AHNAK: variants seen among roughly 807,000 people sequenced by gnomAD.
AHNAK encodes the protein neuroblast differentiation-associated protein AHNAK.
Under a neutral mutation model 37.8 loss-of-function variants are expected in AHNAK, and 23 were observed. The ratio of observed to expected loss-of-function variants is 0.61; its 90% CI spans 0.44 to 0.86. The LOEUF (loss-of-function observed/expected upper bound fraction) is 0.86. AHNAK is among the 40% of genes least tolerant of loss of function. The probability of loss-of-function intolerance (pLI) is 0.00; values close to 1 mark genes in which losing one functional copy is unlikely to be tolerated. For synonymous variants in AHNAK, 2,481 were observed against 2,636.3 expected, an observed-to-expected ratio of 0.94 and a Z score of 1.80; for missense variants, 7,411 against 7,319.4, an observed-to-expected ratio of 1.01 and a Z score of -0.46.
At chr11:62,508,480 C>T (rs1446925386) in intron 4 of AHNAK, among the ~76,000 whole-genome samples, 1 of 152,242 alleles carries the variant, frequency 6.6e-6, no homozygotes, top group African/African-American at 2.4e-5. Context: ...GACTAGAACG[C>T]CCTGTCCAAA....
chr11:62,476,901 A>G (rs1276337488), intron 5 of AHNAK, among the ~76,000 whole-genome samples: 1 of 152,182 alleles, frequency 6.6e-6, no homozygotes, highest in Admixed American at 6.6e-5. Context: ...TACATTTAAG[A>G]TATATGCTCA....
intron 5 of AHNAK, among the ~76,000 whole-genome samples, chr11:62,438,182 T>TCTC (rs199658779): frequency 9.7e-6 from 1 of 102,870 alleles, no homozygotes; most frequent in African/African-American, 3.6e-5. Flanking sequence ...TCTTTCTCTC[T>TCTC]TTTTTTTTTT....
Position 62,455,367 on chromosome 11 carries a change from G to A in AHNAK, c.443-21476C>T, listed in dbSNP as rs145371805. Reference sequence around the variant, plus strand: ...TGGGCTGACTGGCAGCGCAGTGCTGGCTCCCCCATTTTGCCTTTCATTTTA... The same window carrying A: ...TGGGCTGACTGGCAGCGCAGTGCTGACTCCCCCATTTTGCCTTTCATTTTA... On this transcript the variant is annotated intron_variant, in intron 5 of 5. Coordinates refer to the AHNAK transcript ENST00000257247. Among the ~76,000 whole-genome samples, 1,096 of 152,086 alleles carry A rather than the reference G, an allele frequency of 7.2e-3. 7 individuals carry two copies. Among genetic ancestry groups the A allele is most frequent in the Non-Finnish European group, 0.011 (778 of 67,980 alleles).
rs1565227789 is a variant in AHNAK at position 62,521,545 on chromosome 11, A to G, written c.12872T>C (p.Val4291Ala). ...KVEGDLKGPE[V>A]DIKGPKVDID... ...GTCCACTTTGGGGCCCTTGATGTCA[A>G]CTTCTGGGCCCTTGAGGTCACCTTC... The change falls in exon 5 of 5, where the codon GTT becomes GCT. Residue 4291 changes from valine (V) to alanine (A), a missense_variant. Transcript: ENST00000378024. The G allele has an allele frequency of 1.4e-5, 22 of 1,612,728 alleles. No homozygotes were observed. The highest frequency in any genetic ancestry group is 1.8e-5 in the Non-Finnish European group (21 of 1,179,712).
At chr11:62,499,178 G>C (rs1939668635) in intron 4 of AHNAK, among the ~76,000 whole-genome samples, 1 of 152,168 alleles carries the variant, frequency 6.6e-6, no homozygotes, top group Non-Finnish European at 1.5e-5. Context: ...CTGGGAAAGA[G>C]GAAAAGATAG....
chr11:62,510,559 C>G (rs1408940017), intron 4 of AHNAK, among the ~76,000 whole-genome samples: 3 of 151,688 alleles, frequency 2.0e-5, no homozygotes, highest in African/African-American at 7.3e-5. Context: ...GCCTGGCTAA[C>G]ATGGTGAAAC....
At chr11:62,467,556 G>A (rs758479884) in intron 5 of AHNAK, among the ~76,000 whole-genome samples, 2 of 152,120 alleles carry the variant, frequency 1.3e-5, no homozygotes, top group African/African-American at 4.8e-5. Flanking sequence ...ATGGTAGCGC[G>A]CGCCTGTAAT....
At chr11:62,442,563 A>G (rs1244327338) in intron 5 of AHNAK, among the ~76,000 whole-genome samples, 2 of 151,856 alleles carry the variant, frequency 1.3e-5, no homozygotes, top group Non-Finnish European at 2.9e-5. Flanking sequence ...TAAATAATCA[A>G]TAAATCTATT....
intron 5 of AHNAK, among the ~76,000 whole-genome samples, chr11:62,471,280 G>A (rs1016490427): frequency 6.6e-6 from 1 of 152,116 alleles, no homozygotes; most frequent in Non-Finnish European, 1.5e-5. Context: ...GGGGGGCTTT[G>A]GTTGTCGCAA....
Position 62,526,922 on chromosome 11 carries a change from G to C in AHNAK, c.7495C>G (p.Pro2499Ala). The C allele has an allele frequency of 6.2e-7, 1 of 1,614,126 alleles. No homozygotes were observed. The highest frequency in any genetic ancestry group is 8.5e-7 in the Non-Finnish European group (1 of 1,180,008). ...IRGPKVDVNAPDVQAPDWHLK... is the reference protein window; with the variant it reads ...IRGPKVDVNAADVQAPDWHLK... ...TGCCAGTCTGGAGCTTGGACATCGG[G>C]GGCATTTACATCAACTTTGGGGCCC... Residue 2499 changes from proline to alanine, a missense_variant, in exon 5 of 5, where the codon CCC becomes GCC. Physicochemically the swap from Pro to Ala is conservative, Grantham distance 27. Coordinates refer to ENST00000378024, the MANE Select transcript of AHNAK (RefSeq NM_001620.3).
At chr11:62,477,757 G>A (rs963981672) in intron 5 of AHNAK, among the ~76,000 whole-genome samples, 82 of 151,612 alleles carry the variant, frequency 5.4e-4, no homozygotes, top group African/African-American at 1.9e-3. Context: ...AGCTGAGACC[G>A]CGCCACTGCA....
intron 5 of AHNAK, among the ~76,000 whole-genome samples, chr11:62,490,702 A>G (rs1446958411): frequency 6.6e-6 from 1 of 152,188 alleles, no homozygotes; most frequent in Non-Finnish European, 1.5e-5. Context: ...AGTCCTCTCC[A>G]GCTGACATTG....
At chr11:62,465,067 T>A (rs924457750) in intron 5 of AHNAK, among the ~76,000 whole-genome samples, 1 of 152,104 alleles carries the variant, frequency 6.6e-6, no homozygotes, top group African/African-American at 2.4e-5. Flanking sequence ...CTGCATCCTC[T>A]TCCTTTTCCT....
At chr11:62,452,920 GAAGCTA>G (rs571253864) in intron 5 of AHNAK, among the ~76,000 whole-genome samples, 60 of 152,260 alleles carry the variant, frequency 3.9e-4, no homozygotes, top group African/African-American at 1.4e-3. Flanking sequence ...AGCCACTTAA[GAAGCTA>G]AGGCACAAGA....
chr11:62,492,857 G>A (rs187918522), intron 4 of AHNAK, among the ~76,000 whole-genome samples: 12 of 142,082 alleles, frequency 8.4e-5, no homozygotes, highest in Admixed American at 3.4e-4. Context: ...CAGCCGGGGC[G>A]ACAGAGTGAG....
intron 5 of AHNAK, among the ~76,000 whole-genome samples, chr11:62,435,569 C>T (rs533144616): frequency 7.2e-5 from 11 of 152,224 alleles, no homozygotes; most frequent in Admixed American, 1.3e-4. Context: ...CCCGTCACCT[C>T]GCCCGGCTAA....
In AHNAK at chr11:62,454,103, T is replaced by C. The variant is rs1194263501; in HGVS notation, c.443-20212A>G. 2.5e-5 allele frequency among the ~76,000 whole-genome samples: 3 copies of C among 117,676 alleles called. No individual in the cohort carries two copies. In the East Asian group the frequency reaches 6.5e-4, roughly 26 times the overall value. The allele number at this position is 117,676 out of a possible 152,430, so 77.2% of individuals were successfully genotyped here. Reference sequence around the variant, plus strand: ...GCCTGGGCAACAGAGCGAATCTCTGTCTCAAAAAAAAAAAAAAGAAAGAAA... The same window carrying C: ...GCCTGGGCAACAGAGCGAATCTCTGCCTCAAAAAAAAAAAAAAGAAAGAAA... On this transcript the variant is annotated intron_variant, in intron 5 of 5. Coordinates refer to the AHNAK transcript ENST00000257247.
intron 5 of AHNAK, among the ~76,000 whole-genome samples, chr11:62,471,992 G>T (rs113262066): frequency 2.0e-5 from 3 of 152,190 alleles, no homozygotes; most frequent in African/African-American, 7.2e-5. Flanking sequence ...CTCGCCCCAG[G>T]GTCTGGGTCA....
downstream of AHNAK, among the ~76,000 whole-genome samples, chr11:62,511,929 A>AC (rs1401274135): frequency 6.6e-6 from 1 of 151,076 alleles, no homozygotes; most frequent in East Asian, 1.9e-4. Flanking sequence ...GTTCACTGCA[A>AC]CCTCCACCTC....
Sources: allele counts gnomAD v4.1 joint callset (sites outside exome capture counted in the v4.1 genomes callset), GRCh38; gene constraint gnomAD v4.1.1; transcripts MANE v1.5; gene names NCBI Gene and HGNC (gene_info 2026-07-23, HGNC 2026-07-21).